Variants in SPIDR observed in about 807,000 individuals in gnomAD.
SPIDR encodes scaffold protein involved in DNA repair.
A neutral mutation model predicts 104.6 loss-of-function variants in SPIDR; 93 were observed. The ratio of observed to expected loss-of-function variants is 0.89; its 90% confidence interval spans 0.75 to 1.06. The LOEUF is 1.06. SPIDR is among the 50% of genes least tolerant of loss of function. The probability of loss-of-function intolerance (pLI) is 0.00; values close to 1 mark genes in which losing one functional copy is unlikely to be tolerated. For missense variants in SPIDR, 1,154 were observed against 1,111.2 expected (o/e 1.04, Z -0.55); for synonymous variants, 431 against 416.9 (o/e 1.03, Z -0.41).
Position 47,630,135 on chromosome 8 carries a change from T to C in SPIDR, c.1544+30939T>C, listed in dbSNP as rs184439248. On this transcript the variant is annotated intron_variant, in intron 10 of 19. Coordinates refer to ENST00000297423, the MANE Select transcript of SPIDR (RefSeq NM_001080394.4). ...CTCACCATACTTTGTCTCAAATATG[T>C]TAAATTACAAAATAATACACGTAGC... Among the ~76,000 whole-genome samples, 9 of 152,336 alleles carry C rather than the reference T, an allele frequency of 5.9e-5. No individual in the cohort carries two copies. The East Asian group carries it at 1.2e-3, about 20-fold the overall frequency.
In SPIDR at chr8:47,291,262, T is replaced by C. The variant is rs2039850374; in HGVS notation, c.361+125T>C. Reference sequence around the variant, plus strand: ...TCCAGTTTCTGTTAAATATTGGATTTAATATTGGAAGAAACTTACATTCCT... The same window carrying C: ...TCCAGTTTCTGTTAAATATTGGATTCAATATTGGAAGAAACTTACATTCCT... On this transcript the variant is annotated intron_variant, in intron 4 of 19. Coordinates refer to ENST00000297423, the MANE Select transcript of SPIDR (RefSeq NM_001080394.4). 8.9e-6 allele frequency: 5 copies of C among 561,978 alleles called. No individual in the cohort carries two copies. In the African/African-American group the frequency reaches 9.4e-5, roughly 11 times the overall value. 34.8% of individuals were successfully genotyped at this position (561,978 alleles called of 1,614,324 possible).
At chr8:47,518,915 G>T (rs904615914) in intron 8 of SPIDR, among the ~76,000 whole-genome samples, 2 of 152,250 alleles carry the variant, frequency 1.3e-5, no homozygotes, top group Non-Finnish European at 2.9e-5. Context: ...GATTACAGGC[G>T]TGATCCACCG....
chr8:47,639,114 G>GT (rs1367604510), intron 10 of SPIDR, among the ~76,000 whole-genome samples: 1 of 152,138 alleles, frequency 6.6e-6, no homozygotes, highest in Non-Finnish European at 1.5e-5. Flanking sequence ...CAGAATTTCT[G>GT]TTTTTATAAA....
At chr8:47,276,276 C>A (rs1397840048) in intron 1 of SPIDR, among the ~76,000 whole-genome samples, 1 of 152,180 alleles carries the variant, frequency 6.6e-6, no homozygotes, top group African/African-American at 2.4e-5. Flanking sequence ...ATATTCTGTA[C>A]TTGTTAAATG....
rs554667390 is a variant in SPIDR at position 47,732,341 on chromosome 8, A to G, written c.2604+2876A>G. On this transcript the variant is annotated intron_variant, in intron 19 of 19. Transcript: ENST00000297423. ...TGTGTGCATCAGAGCACCTTTGCCC[A>G]TGCCCGTGTGCATGTGTATGTGTCC... The G allele has an allele frequency of 3.3e-3, 2,091 of 636,500 alleles. 4 individuals carry two copies. Among genetic ancestry groups the G allele is most frequent in the Non-Finnish European group, 4.8e-3 (1,681 of 352,524 alleles). 39.4% of individuals were successfully genotyped at this position (636,500 alleles called of 1,614,324 possible).
intron 8 of SPIDR, among the ~76,000 whole-genome samples, chr8:47,569,221 A>T (rs2154404754): frequency 6.6e-6 from 1 of 152,366 alleles, no homozygotes; most frequent in African/African-American, 2.4e-5. Flanking sequence ...GCAAGAAGAG[A>T]TAACAGATAT....
intron 8 of SPIDR, among the ~76,000 whole-genome samples, chr8:47,574,307 T>C (rs1237265624): frequency 6.6e-6 from 1 of 152,228 alleles, no homozygotes; most frequent in African/African-American, 2.4e-5. Context: ...ATTTTGTGGA[T>C]TTTAGAAAAA....
intron 3 of SPIDR, among the ~76,000 whole-genome samples, chr8:47,287,770 GATTTC>G (rs1481279530): frequency 6.6e-6 from 1 of 152,110 alleles, no homozygotes; most frequent in Non-Finnish European, 1.5e-5. Context: ...AAGGTGCACT[GATTTC>G]ATATTGTTCA....
chr8:47,726,348 A>T (rs1452405925), intron 16 of SPIDR, among the ~76,000 whole-genome samples: 1 of 152,206 alleles, frequency 6.6e-6, no homozygotes, highest in Non-Finnish European at 1.5e-5. Context: ...GAGGAATGAA[A>T]TTTTTTGTGC....
chr8:47,726,261 A>G (rs1471622777), intron 16 of SPIDR, among the ~76,000 whole-genome samples: 1 of 152,270 alleles, frequency 6.6e-6, no homozygotes, highest in Non-Finnish European at 1.5e-5. Flanking sequence ...AATGCACTTT[A>G]ATAAACCAAG....
At chr8:47,507,078 T>G (rs1170509720) in intron 8 of SPIDR, among the ~76,000 whole-genome samples, 2 of 152,202 alleles carry the variant, frequency 1.3e-5, no homozygotes, top group Non-Finnish European at 1.5e-5. Flanking sequence ...TTCTCTCCAG[T>G]AAGCATTCAG....
In SPIDR at chr8:47,713,639, A is replaced by G. The variant is rs1051839525; in HGVS notation, c.2339A>G (p.Gln780Arg). The stretch of plus-strand genomic sequence containing the variant: ...CCTGTCAACTCCATCTGCAGTGTTC[A>G]AGGTAGGCAGCCATCTCACAGGAAT... ...ATPVNSICSV[Q>R]GTVVGVDEST... is the part of the protein sequence containing the mutation. The change falls in exon 16 of 20, where the codon CAA becomes CGA. Residue 780 changes from glutamine (Q) to arginine (R), a missense_variant and splice_region_variant. By Grantham distance (43) the Gln-to-Arg change is conservative. Transcript: ENST00000297423. 6.2e-7 allele frequency: 1 copy of G among 1,613,922 alleles called. No individual in the cohort carries two copies. The highest frequency in any genetic ancestry group is 8.5e-7 in the Non-Finnish European group (1 of 1,179,980).
chr8:47,584,837 T>C (rs945322476), intron 8 of SPIDR, among the ~76,000 whole-genome samples: 8 of 152,194 alleles, frequency 5.3e-5, no homozygotes, highest in South Asian at 2.1e-4. Context: ...CACCGTACCC[T>C]TTTATTCTCC....
Position 47,665,653 on chromosome 8 carries a change from A to G in SPIDR, c.1545-8148A>G, listed in dbSNP as rs569044253. ...CTAGTTGTCTTAAAATAGGCGATAC[A>G]TTCTTCTGCATATCACCTGCTAAAT... On this transcript the variant is annotated intron_variant, in intron 10 of 19. Transcript: ENST00000297423. Among the ~76,000 whole-genome samples the G allele has an allele frequency of 7.4e-4, 112 of 152,370 alleles. 1 individual carries two copies. Among genetic ancestry groups the G allele is most frequent in the Non-Finnish European group, 5.4e-4 (37 of 68,032 alleles).
Position 47,728,877 on chromosome 8 carries a change from C to T in SPIDR, c.2436-56C>T, listed in dbSNP as rs970105222. On this transcript the variant is annotated intron_variant, in intron 17 of 19. Transcript: ENST00000297423. ...TTTAAGAAAATGTCTCCCACTGGAG[C>T]TTTCCTGACTTGTGCCTCCCGGGGC... 5.2e-6 allele frequency: 8 copies of T among 1,550,532 alleles called. No homozygotes were observed. The African/African-American group carries it at 9.7e-5, about 19-fold the overall frequency.
At chr8:47,512,397 C>G (rs1200892048) in intron 8 of SPIDR, among the ~76,000 whole-genome samples, 2 of 152,126 alleles carry the variant, frequency 1.3e-5, no homozygotes, top group Admixed American at 6.5e-5. Flanking sequence ...TTTCTCCTCC[C>G]CCAAGTCCAA....
intron 16 of SPIDR, among the ~76,000 whole-genome samples, chr8:47,724,235 G>A (rs1321831556): frequency 6.6e-6 from 1 of 152,160 alleles, no homozygotes; most frequent in African/African-American, 2.4e-5. Flanking sequence ...AGTGCTGCCA[G>A]ATCCTTTAAT....
intron 7 of SPIDR, among the ~76,000 whole-genome samples, chr8:47,417,232 C>T (rs1229383207): frequency 2.6e-5 from 4 of 152,220 alleles, no homozygotes; most frequent in Admixed American, 1.3e-4. Context: ...AACTAGTTTA[C>T]AGTCCCACCA....
At chr8:47,300,072 G>C (rs1554576192) in intron 5 of SPIDR, among the ~76,000 whole-genome samples, 1 of 152,130 alleles carries the variant, frequency 6.6e-6, no homozygotes, top group Non-Finnish European at 1.5e-5. Context: ...CTGTGAATCC[G>C]TCTGGTCCTG....
Sources: allele counts gnomAD v4.1 joint callset (sites outside exome capture counted in the v4.1 genomes callset), GRCh38; gene constraint gnomAD v4.1.1; transcripts MANE v1.5; gene names NCBI Gene and HGNC (gene_info 2026-07-23, HGNC 2026-07-21).